Variants in S100PBP observed in about 807,000 individuals in gnomAD.
S100PBP encodes S100P-binding protein.
Under a neutral mutation model 39.9 loss-of-function variants are expected in S100PBP, and 15 were observed. The observed-to-expected ratio is 0.38, with a 90% CI of 0.25 to 0.58. S100PBP has a LOEUF of 0.58. Among genes scored for constraint, S100PBP ranks in the 20% least tolerant of loss-of-function variants. The pLI is 0.70. For missense variants in S100PBP, 504 were observed against 487.3 expected, an observed-to-expected ratio of 1.03 and a Z score of -0.32; for synonymous variants, 178 against 180.3, an observed-to-expected ratio of 0.99 and a Z score of 0.10.
At chr1:32,852,018 G>A (rs2148695444) in intron 5 of S100PBP, among the ~76,000 whole-genome samples, 1 of 152,278 alleles carries the variant, frequency 6.6e-6, no homozygotes, top group South Asian at 2.1e-4. Context: ...GGAGCTAGTT[G>A]AATCCTGGGT....
intron 5 of S100PBP, among the ~76,000 whole-genome samples, chr1:32,847,054 A>G (rs2148685067): frequency 6.6e-6 from 1 of 152,336 alleles, no homozygotes; most frequent in East Asian, 1.9e-4. Context: ...TGCTGGGATT[A>G]CAGGCATGAG....
intron 5 of S100PBP, among the ~76,000 whole-genome samples, chr1:32,845,303 TGTG>T (rs1640315971): frequency 1.3e-5 from 2 of 152,084 alleles, no homozygotes; most frequent in African/African-American, 4.8e-5. Context: ...AGCCGAGTGT[TGTG>T]GTGGCACATA....
At chr1:32,833,409 T>G (rs1266380877) in intron 5 of S100PBP, among the ~76,000 whole-genome samples, 1 of 151,542 alleles carries the variant, frequency 6.6e-6, no homozygotes. Context: ...CTGCCCAGAC[T>G]GGAGTGCAGT....
At chr1:32,821,145 G>C (rs750339930) in intron 1 of S100PBP, among the ~76,000 whole-genome samples, 3 of 151,480 alleles carry the variant, frequency 2.0e-5, no homozygotes, top group Non-Finnish European at 4.4e-5. Context: ...GTTTTCTTAA[G>C]AAATAAAACA....
upstream of S100PBP, chr1:32,817,494 G>C (rs967700387): frequency 3.0e-5 from 18 of 603,986 alleles, no homozygotes; most frequent in Middle Eastern, 4.4e-4. Context: ...TGCGGAGGGC[G>C]GGGCTGAGGC....
rs564325266 is a variant in S100PBP, at chr1:32,849,573, A to G, written c.1025-3506A>G. ...AAATGTTAGCTCCCATTATCTCTAG[A>G]TCATTAAGTCTTATTCATAATAAGA... On this transcript the variant is annotated intron_variant, in intron 5 of 6. Transcript: ENST00000373475. Among the ~76,000 whole-genome samples the G allele has an allele frequency of 1.9e-4, 29 of 152,336 alleles. 1 individual carries two copies. The highest frequency in any genetic ancestry group is 1.4e-3 in the Admixed American group (21 of 15,286).
At chr1:32,848,213 A>G (rs1433997943) in intron 5 of S100PBP, among the ~76,000 whole-genome samples, 1 of 152,204 alleles carries the variant, frequency 6.6e-6, no homozygotes, top group African/African-American at 2.4e-5. Context: ...AGGCTGAGGC[A>G]GGAGAATTGC....
At chr1:32,848,567 C>A (rs979172052) in intron 5 of S100PBP, among the ~76,000 whole-genome samples, 3 of 152,128 alleles carry the variant, frequency 2.0e-5, no homozygotes, top group Admixed American at 2.0e-4. Flanking sequence ...TGTCATTAGC[C>A]AGCTGAGAGA....
intron 5 of S100PBP, among the ~76,000 whole-genome samples, chr1:32,839,698 C>T (rs980102748): frequency 3.3e-5 from 5 of 152,048 alleles, no homozygotes; most frequent in Admixed American, 6.6e-5. Context: ...TTTTTAGAGA[C>T]GGGGTCTCAC....
At chr1:32,841,968 T>C (rs915419977) in intron 5 of S100PBP, among the ~76,000 whole-genome samples, 1 of 150,816 alleles carries the variant, frequency 6.6e-6, no homozygotes, top group Non-Finnish European at 1.5e-5. Context: ...GAAGATTGCT[T>C]GAGCCCAAGA....
chr1:32,854,970 A>T (rs889426125), intron 6 of S100PBP, among the ~76,000 whole-genome samples: 2 of 152,340 alleles, frequency 1.3e-5, no homozygotes, highest in African/African-American at 2.4e-5. Context: ...CCTGAGGCTC[A>T]ATCAATTTCC....
chr1:32,839,466 C>T (rs1639990672), intron 5 of S100PBP, among the ~76,000 whole-genome samples: 1 of 152,226 alleles, frequency 6.6e-6, no homozygotes, highest in Non-Finnish European at 1.5e-5. Context: ...TTTTTGAGAC[C>T]CTGCTTGCAA....
chr1:32,833,221 T>G (rs10914625), intron 5 of S100PBP, among the ~76,000 whole-genome samples: 45,037 of 152,056 alleles, frequency 0.3, 7,963 homozygotes, highest in East Asian at 0.48. Flanking sequence ...GGCAGGTCAT[T>G]CATTGCTTAG....
intron 6 of S100PBP, 115 bp from the exon 7 acceptor site, chr1:32,855,809 T>A (rs752451998): frequency 6.1e-5 from 36 of 593,434 alleles, no homozygotes; most frequent in Middle Eastern, 5.4e-4. Flanking sequence ...AAAATTAATA[T>A]CTGATTTCCA....
intron 1 of S100PBP, chr1:32,818,933 G>T (rs1638905920): frequency 6.6e-6 from 1 of 152,302 alleles, no homozygotes; most frequent in Admixed American, 6.5e-5. Context: ...GCTCTTGGCT[G>T]TACCTGTCAG....
chr1:32,817,264 C>T (rs752335631), upstream of S100PBP: 2 of 1,613,726 alleles, frequency 1.2e-6, no homozygotes, highest in East Asian at 4.5e-5. Flanking sequence ...ACCCCTGCTT[C>T]CCCCGCTCAG....
intron 5 of S100PBP, among the ~76,000 whole-genome samples, chr1:32,849,721 T>A (rs1045032974): frequency 6.6e-6 from 1 of 152,250 alleles, no homozygotes; most frequent in African/African-American, 2.4e-5. Context: ...ATATGATTTT[T>A]ACTTTCTAAT....
rs572695411 is a variant in S100PBP, at chr1:32,830,058, A to G, written c.1015A>G (p.Thr339Ala). The change falls in exon 5 of 7, where the codon ACT (threonine) becomes GCT (alanine). Residue 339 changes from threonine to alanine, a missense_variant. Thr to Ala is a moderately conservative substitution (Grantham distance 58). Coordinates refer to ENST00000373475, the MANE Select transcript of S100PBP (RefSeq NM_022753.4). The part of the protein sequence containing the change: ...VIAHIEDPED[T>A]NQGISGELCA... The stretch of plus-strand genomic sequence containing the variant: ...TGCTCATATAGAAGACCCAGAGGAC[A>G]CTAACCAAGGTAACATGGTACCCAG... 22 of 1,602,092 alleles carry G rather than the reference A, an allele frequency of 1.4e-5. No homozygotes were observed. The African/African-American group carries it at 2.5e-4, about 19-fold the overall frequency.
intron 6 of S100PBP, among the ~76,000 whole-genome samples, chr1:32,854,172 T>C (rs1003429652): frequency 2.6e-5 from 4 of 152,182 alleles, no homozygotes; most frequent in African/African-American, 9.7e-5. Flanking sequence ...GCAAATCCCA[T>C]AGGTTCTGCA....
Sources: allele counts gnomAD v4.1 joint callset (sites outside exome capture counted in the v4.1 genomes callset), GRCh38; gene constraint gnomAD v4.1.1; transcripts MANE v1.5; gene names NCBI Gene and HGNC (gene_info 2026-07-23, HGNC 2026-07-21).